AGBL1: variants seen among roughly 807,000 people sequenced by gnomAD.
AGBL1 encodes cytosolic carboxypeptidase 4.
Under a neutral mutation model 118.9 loss-of-function variants are expected in AGBL1, and 130 were observed. The observed-to-expected ratio is 1.09, with a 90% CI of 0.95 to 1.26. The LOEUF is 1.26. Ranked by LOEUF, AGBL1 falls within the 50% of genes most tolerant of loss-of-function variation. AGBL1 has a pLI of 0.00. For missense variants in AGBL1, 1,584 were observed against 1,298.1 expected (o/e 1.22, Z -3.38); for synonymous variants, 555 against 478.9 (o/e 1.16, Z -2.08).
chr15:86,198,077 T>C (rs928803073), intron 5 of AGBL1, among the ~76,000 whole-genome samples: 6 of 152,108 alleles, frequency 3.9e-5, no homozygotes, highest in Non-Finnish European at 7.4e-5. Flanking sequence ...GACAGAGTCA[T>C]GGGGGTGACA....
intron 22 of AGBL1, among the ~76,000 whole-genome samples, chr15:86,719,129 A>C (rs191065111): frequency 6.6e-6 from 1 of 152,214 alleles, no homozygotes; most frequent in African/African-American, 2.4e-5. Context: ...AAATATAACA[A>C]GAAAAAATAT....
At chr15:86,167,726 G>C (rs976158600) in intron 5 of AGBL1, among the ~76,000 whole-genome samples, 1 of 152,202 alleles carries the variant, frequency 6.6e-6, no homozygotes, top group Non-Finnish European at 1.5e-5. Context: ...TCAGTTGGCT[G>C]GGAAGGAAAG....
chr15:86,529,800 T>C (rs2083323473), intron 19 of AGBL1, among the ~76,000 whole-genome samples: 1 of 151,420 alleles, frequency 6.6e-6, no homozygotes, highest in African/African-American at 2.4e-5. Flanking sequence ...TGGGGGCCAA[T>C]ATTCAACATT....
chr15:86,297,204 C>T (rs973656115), intron 17 of AGBL1: 10 of 151,910 alleles, frequency 6.6e-5, no homozygotes, highest in African/African-American at 2.2e-4. Context: ...ATCATAACAG[C>T]TTTTTTTTCT....
At position 86,916,066 on chromosome 15, in the gene AGBL1, C is replaced by T. The variant is rs2080418982; in HGVS notation, c.*8772C>T. 1 of 152,328 alleles carries T rather than the reference C, an allele frequency of 6.6e-6. No individual in the cohort carries two copies. The highest frequency in any genetic ancestry group is 6.5e-5 in the Admixed American group (1 of 15,308). 9.4% of individuals were successfully genotyped at this position (152,328 alleles called of 1,614,324 possible). On this transcript the variant is annotated 3_prime_UTR_variant, in exon 23 of 23. Transcript: ENST00000614907. ...ACTGTCCTGTCTACATTAGCATTCA[C>T]CCCGGGTGTCTATAATTAAGCAAGC...
At chr15:86,196,163 G>A (rs2141841131) in intron 5 of AGBL1, among the ~76,000 whole-genome samples, 1 of 151,990 alleles carries the variant, frequency 6.6e-6, no homozygotes, top group African/African-American at 2.4e-5. Flanking sequence ...GATGACTTTG[G>A]CCGCATGTAG....
At chr15:86,729,405 A>G (rs757148284) in intron 22 of AGBL1, among the ~76,000 whole-genome samples, 24 of 152,018 alleles carry the variant, frequency 1.6e-4, no homozygotes, top group African/African-American at 2.2e-4. Context: ...ATAGTACCCA[A>G]TGGGTAGTTT....
intron 22 of AGBL1, among the ~76,000 whole-genome samples, chr15:86,881,800 T>A (rs2079895470): frequency 6.6e-6 from 1 of 152,194 alleles, no homozygotes; most frequent in Non-Finnish European, 1.5e-5. Context: ...CACGCCCGAC[T>A]AATTTTTGTA....
chr15:86,996,088 G>A (rs1251367482), intron 24 of AGBL1, among the ~76,000 whole-genome samples: 1 of 152,044 alleles, frequency 6.6e-6, no homozygotes, highest in Non-Finnish European at 1.5e-5. Context: ...ACCATCATGT[G>A]GGCTGATGAC....
chr15:86,697,885 G>C (rs2086289275), intron 22 of AGBL1, among the ~76,000 whole-genome samples: 1 of 151,838 alleles, frequency 6.6e-6, no homozygotes. Flanking sequence ...CCTGGGATGT[G>C]AACTATCTTC....
chr15:86,227,244 T>C (rs1478368926), intron 6 of AGBL1, among the ~76,000 whole-genome samples: 1 of 152,264 alleles, frequency 6.6e-6, no homozygotes, highest in Admixed American at 6.5e-5. Context: ...CCTCCACATA[T>C]AAAACGGGTT....
At chr15:86,817,310 AC>A (rs1555453322) in intron 22 of AGBL1, among the ~76,000 whole-genome samples, 3 of 149,628 alleles carry the variant, frequency 2.0e-5, no homozygotes, top group African/African-American at 7.4e-5. Flanking sequence ...AAAAAAAAAA[AC>A]CACCAAACTT....
chr15:86,410,842 A>ATATAT (rs36174307), intron 18 of AGBL1, among the ~76,000 whole-genome samples: 1 of 74,718 alleles, frequency 1.3e-5, no homozygotes, highest in African/African-American at 6.1e-5. Flanking sequence ...ATATATATAT[A>ATATAT]ATATACTATT....
chr15:86,955,512 A>G (rs888694707), intron 23 of AGBL1, among the ~76,000 whole-genome samples: 10 of 152,092 alleles, frequency 6.6e-5, no homozygotes, highest in African/African-American at 2.4e-4. Flanking sequence ...GTAATCAAAA[A>G]TGAACAGAAT....
At chr15:86,113,257 C>CTTTTCTTTTCTTTTCT (rs150495748) in intron 1 of AGBL1, among the ~76,000 whole-genome samples, 10 of 39,780 alleles carry the variant, frequency 2.5e-4, no homozygotes, top group Non-Finnish European at 3.1e-4. Flanking sequence ...CTTTTCTTTT[C>CTTTTCTTTTCTTTTCT]TTTCTTTCTT....
At chr15:86,672,574 GCTGA>G (rs2085765871) in intron 21 of AGBL1, among the ~76,000 whole-genome samples, 1 of 152,094 alleles carries the variant, frequency 6.6e-6, no homozygotes, top group Non-Finnish European at 1.5e-5. Flanking sequence ...CTGTGAGGTG[GCTGA>G]CTGAGCAGGC....
chr15:86,333,960 A>C (rs1046020294), intron 17 of AGBL1, among the ~76,000 whole-genome samples: 1 of 152,212 alleles, frequency 6.6e-6, no homozygotes, highest in African/African-American at 2.4e-5. Context: ...ATGCAGAAAA[A>C]GCTTTCAGTA....
chr15:86,798,617 G>T (rs988713471), intron 22 of AGBL1, among the ~76,000 whole-genome samples: 5 of 151,472 alleles, frequency 3.3e-5, no homozygotes, highest in African/African-American at 1.2e-4. Flanking sequence ...AACTATGTTT[G>T]ATAAATATTA....
At chr15:86,086,505 G>A (rs1287844835) in intron 1 of AGBL1, 2 of 152,164 alleles carry the variant, frequency 1.3e-5, no homozygotes, top group East Asian at 1.9e-4. Context: ...AGACAAGGGA[G>A]CATTCAAGGT....
Sources: gnomAD v4.1 joint callset for allele counts (sites outside exome capture counted in the v4.1 genomes callset) on GRCh38, gnomAD v4.1.1 for gene constraint, MANE v1.5 for transcripts, NCBI Gene and HGNC (gene_info 2026-07-23, HGNC 2026-07-21) for gene names.